The following P2RY8 variants were observed in gnomAD, a reference collection of about 807,000 sequenced individuals.
P2RY8 encodes the protein S-geranylgeranyl-glutathione receptor P2RY8.
A neutral mutation model predicts 10.0 loss-of-function variants in P2RY8; 6 were observed. The observed-to-expected ratio is 0.60, with a 90% CI of 0.33 to 1.19. The LOEUF is 1.19. P2RY8 is among the 50% of genes most tolerant of loss of function. The pLI, the probability that P2RY8 is intolerant of heterozygous loss-of-function variation, is 0.04. For missense variants in P2RY8, 456 were observed against 542.0 expected (o/e 0.84, Z 1.58); for synonymous variants, 276 against 252.5 (o/e 1.09, Z -0.88).
At chrX:1,470,262 A>T (rs2091767866) in intron 1 of P2RY8, among the ~76,000 whole-genome samples, 1 of 152,114 alleles carries the variant, frequency 6.6e-6, no homozygotes, top group South Asian at 2.1e-4. Context: ...CTGTAATCCC[A>T]TCACTTTGGG....
At chrX:1,530,710 T>G (rs1372004655) in intron 1 of P2RY8, among the ~76,000 whole-genome samples, 1 of 151,110 alleles carries the variant, frequency 6.6e-6, no homozygotes, top group African/African-American at 2.4e-5. Flanking sequence ...TATCTATCTA[T>G]CTAATCTATT....
chrX:1,511,448 G>T (rs1231053498), intron 1 of P2RY8, among the ~76,000 whole-genome samples: 2 of 152,146 alleles, frequency 1.3e-5, no homozygotes, highest in African/African-American at 4.8e-5. Flanking sequence ...TTTAGTTTCT[G>T]CCAGAGGCTA....
At chrX:1,525,417 C>A (rs1242209303) in intron 1 of P2RY8, among the ~76,000 whole-genome samples, 1 of 152,120 alleles carries the variant, frequency 6.6e-6, no homozygotes, top group East Asian at 1.9e-4. Flanking sequence ...GGGAAGATTG[C>A]TGTGTGAAGA....
chrX:1,477,188 CA>C (rs753336144), intron 1 of P2RY8, among the ~76,000 whole-genome samples: 155 of 145,060 alleles, frequency 1.1e-3, no homozygotes, highest in Admixed American at 1.7e-3. Flanking sequence ...GACTGCATCT[CA>C]AAAAAAAAAA....
intron 1 of P2RY8, among the ~76,000 whole-genome samples, chrX:1,485,852 G>A (rs1293665990): frequency 6.6e-6 from 1 of 151,310 alleles, no homozygotes; most frequent in Non-Finnish European, 1.5e-5. Flanking sequence ...ATCACCTTAT[G>A]TGTATATATA....
chrX:1,529,328 C>T (rs2092458552), intron 1 of P2RY8, among the ~76,000 whole-genome samples: 1 of 152,144 alleles, frequency 6.6e-6, no homozygotes, highest in Non-Finnish European at 1.5e-5. Flanking sequence ...AGCCCATTCT[C>T]TCCCTGAGAC....
chrX:1,509,315 A>T (rs770268048), intron 1 of P2RY8, among the ~76,000 whole-genome samples: 12,597 of 144,320 alleles, frequency 0.087, 546 homozygotes, highest in Non-Finnish European at 0.12. Flanking sequence ...TCATCCATCT[A>T]TCTATCCTGT....
rs184864555 is a variant in P2RY8, at chrX:1,504,230, C to T, written c.-25+32691G>A. Among the ~76,000 whole-genome samples the T allele has an allele frequency of 7.0e-3, 1,060 of 151,804 alleles. 10 individuals are homozygous for T. Among genetic ancestry groups the T allele is most frequent in the Non-Finnish European group, 0.011 (753 of 67,958 alleles). ...ACTCGGGAGGCTGAGGCAGGAGAAT[C>T]GCTGGAACCCGGGAGGCGGAGGTTG... On this transcript the variant is annotated intron_variant, in intron 1 of 1. Transcript: ENST00000381297.
chrX:1,524,815 AT>A (rs2092428238), intron 1 of P2RY8, among the ~76,000 whole-genome samples: 2 of 115,636 alleles, frequency 1.7e-5, no homozygotes, highest in Non-Finnish European at 3.9e-5. Flanking sequence ...TCATCCATCC[AT>A]CCATCCATCC....
At chrX:1,506,746 T>C (rs1210505482) in intron 1 of P2RY8, among the ~76,000 whole-genome samples, 4 of 151,850 alleles carry the variant, frequency 2.6e-5, no homozygotes, top group Non-Finnish European at 4.4e-5. Flanking sequence ...GGCGCAATCT[T>C]GGCTCACTAC....
At position 1,477,047 on chromosome X, in the gene P2RY8, G is replaced by A. The variant is rs181866807; in HGVS notation, c.-24-10465C>T. Among the ~76,000 whole-genome samples, 788 of 152,206 alleles carry A rather than the reference G, an allele frequency of 5.2e-3. 6 individuals carry two copies. The highest frequency in any genetic ancestry group is 0.018 in the African/African-American group (738 of 41,516). ...CTACTCAAAATACAAAAACTAGCCA[G>A]GTGTGGTGGCGGGTGCCTCTAATCC... is the stretch of plus-strand genomic sequence containing the variant. On this transcript the variant is annotated intron_variant, in intron 1 of 1. Coordinates refer to ENST00000381297, the MANE Select transcript of P2RY8 (RefSeq NM_178129.5).
chrX:1,535,184 C>CTTT (rs539683722), intron 1 of P2RY8, among the ~76,000 whole-genome samples: 46,508 of 80,166 alleles, frequency 0.58, 15,191 homozygotes, highest in African/African-American at 0.63. Flanking sequence ...GGGATAATTC[C>CTTT]TTTTTTTTTT....
chrX:1,493,422 A>AAAGAGAG (rs1471303551), intron 1 of P2RY8, among the ~76,000 whole-genome samples: 1 of 39,544 alleles, frequency 2.5e-5, no homozygotes, highest in South Asian at 1.1e-3. Flanking sequence ...AGGAAGGAGG[A>AAAGAGAG]AGGAGGAGGG....
Position 1,514,068 on chromosome X carries a change from A to G in P2RY8, c.-25+22853T>C, listed in dbSNP as rs147430841. On this transcript the variant is annotated intron_variant, in intron 1 of 1. Transcript: ENST00000381297. ...GTACGCACCATTGAACCCACTACAC[A>G]TAGCGTTAACAACTTGTGCCCGTTT... Among the ~76,000 whole-genome samples, 1,228 of 152,286 alleles carry G rather than the reference A, an allele frequency of 8.1e-3. 17 individuals carry two copies. Among genetic ancestry groups the G allele is most frequent in the East Asian group, 0.03 (154 of 5,190 alleles).
At chrX:1,524,395 C>CCATCCATCCATTCATCCATCCATCCA (rs1569538679) in intron 1 of P2RY8, among the ~76,000 whole-genome samples, 25 of 71,240 alleles carry the variant, frequency 3.5e-4, no homozygotes, top group African/African-American at 1.3e-3. Context: ...CCATCCATCC[C>CCATCCATCCATTCATCCATCCATCCA]TCCATCCATG....
chrX:1,466,970 T>A lies in P2RY8; in HGVS notation c.-24-388A>T, dbSNP rs150518583. On this transcript the variant is annotated intron_variant, in intron 1 of 1. Transcript: ENST00000381297. ...GGCCCACGTCAGAGGCTGAGACTCT[T>A]AGATGATCCACAGTGGGGCTGTGGC... Among the ~76,000 whole-genome samples the A allele has an allele frequency of 9.9e-4, 108 of 109,478 alleles. 1 individual carries two copies. The East Asian group carries it at 0.032, about 32-fold the overall frequency. The allele number at this position is 109,478 out of a possible 152,430, so 71.8% of individuals were successfully genotyped here.
intron 1 of P2RY8, among the ~76,000 whole-genome samples, chrX:1,498,151 C>A (rs756264988): frequency 3.3e-5 from 5 of 151,892 alleles, no homozygotes; most frequent in East Asian, 2.0e-4. Flanking sequence ...TCACGCCTGT[C>A]ATCCCAGCAC....
chrX:1,521,024 T>TTTTTC (rs1234172429), intron 1 of P2RY8, among the ~76,000 whole-genome samples: 39 of 115,640 alleles, frequency 3.4e-4, no homozygotes, highest in African/African-American at 1.2e-3. Flanking sequence ...TCCTCTCTGA[T>TTTTTC]TTTTCTTTTC....
Position 1,485,431 on chromosome X carries a change from G to A in P2RY8, c.-24-18849C>T, listed in dbSNP as rs1194886694. 7.2e-5 allele frequency among the ~76,000 whole-genome samples: 11 copies of A among 152,010 alleles called. No homozygotes were observed. In the South Asian group the frequency reaches 1.0e-3, roughly 14 times the overall value. On this transcript the variant is annotated intron_variant, in intron 1 of 1. Transcript: ENST00000381297. ...TAGGATTACAGGCGTGAGCCACTGC[G>A]CCCAGCCCCTTAATGATGCCTTACT...
Sources: allele counts gnomAD v4.1 joint callset (sites outside exome capture counted in the v4.1 genomes callset), GRCh38; gene constraint gnomAD v4.1.1; transcripts MANE v1.5; gene names NCBI Gene and HGNC (gene_info 2026-07-23, HGNC 2026-07-21).